Variants in NEXN observed in about 807,000 individuals in gnomAD.
The protein encoded by NEXN is nexilin F-actin binding protein.
In NEXN, 65 loss-of-function variants were observed where a neutral mutation model predicts 92.6. The ratio of observed to expected loss-of-function variants is 0.70; its 90% confidence interval spans 0.57 to 0.86. The LOEUF (loss-of-function observed/expected upper bound fraction) is 0.86. Among genes scored for constraint, NEXN ranks in the 40% least tolerant of loss-of-function variants. NEXN has a pLI of 0.00. For missense variants in NEXN, 778 were observed against 771.1 expected, an observed-to-expected ratio of 1.01 and a Z score of -0.11; for synonymous variants, 254 against 242.5, an observed-to-expected ratio of 1.05 and a Z score of -0.44.
intron 2 of NEXN, 110 bp from the exon 3 acceptor site, chr1:77,917,456 A>ACCCCTC (rs1173667110): frequency 1.2e-6 from 1 of 838,280 alleles, no homozygotes; most frequent in African/African-American, 1.8e-5. Context: ...ACACATTTCT[A>ACCCCTC]TTTTCTGTTT....
At chr1:77,912,421 A>G (rs1571102317) in intron 1 of NEXN, among the ~76,000 whole-genome samples, 2 of 152,306 alleles carry the variant, frequency 1.3e-5, no homozygotes, top group East Asian at 3.9e-4. Context: ...ATCCCAGCAT[A>G]TTATTTTGTG....
chr1:77,925,271 ATC>A (rs771540042), intron 6 of NEXN, 42 bp downstream of exon 6: 1 of 1,353,382 alleles, frequency 7.4e-7, no homozygotes, highest in Non-Finnish European at 1.1e-6. Context: ...ACCTAAAATT[ATC>A]TGATTCACAA....
intron 11 of NEXN, among the ~76,000 whole-genome samples, chr1:77,940,001 G>A (rs527632893): frequency 9.8e-4 from 149 of 152,162 alleles, no homozygotes; most frequent in Non-Finnish European, 1.5e-3. Flanking sequence ...TTGAACCCGG[G>A]AGACAGGGGT....
Position 77,942,665 on chromosome 1 carries a change from C to A in NEXN, c.1864C>A (p.Leu622Met). 6.2e-7 allele frequency: 1 copy of A among 1,613,636 alleles called. No homozygotes were observed. The highest frequency in any genetic ancestry group is 8.5e-7 in the Non-Finnish European group (1 of 1,179,688). Residue 622 changes from leucine (L) to methionine (M), a missense_variant, in exon 13 of 13, where the codon CTG becomes ATG. Leu to Met is a conservative substitution (Grantham distance 15, BLOSUM62 2). Around this residue, in one of 3 missense-constraint regions of NEXN, gnomAD observed 532 missense variants for 476.7 expected, o/e 1.12. Transcript: ENST00000334785. ...TACATGGTGGTTTGAAGGAGAAATA[C>A]TGCAGGATGGAGAAGACTATCAATA... ...EITWWFEGEILQDGEDYQYIE... is the reference protein window; with the variant it reads ...EITWWFEGEIMQDGEDYQYIE...
At chr1:77,894,337 C>T (rs907481411) in intron 1 of NEXN, among the ~76,000 whole-genome samples, 3 of 152,142 alleles carry the variant, frequency 2.0e-5, no homozygotes, top group Non-Finnish European at 4.4e-5. Context: ...GAAATAGGAT[C>T]TAATTTCATA....
At chr1:77,940,217 T>C (rs2102171101) in intron 11 of NEXN, among the ~76,000 whole-genome samples, 1 of 152,310 alleles carries the variant, frequency 6.6e-6, no homozygotes, top group Middle Eastern at 3.4e-3. Context: ...TATATAACAT[T>C]TGAATTTCTA....
chr1:77,938,589 CAAA>C (rs11286873), intron 11 of NEXN, among the ~76,000 whole-genome samples: 36 of 119,162 alleles, frequency 3.0e-4, no homozygotes, highest in Non-Finnish European at 4.0e-4. Context: ...AAGACTGTCT[CAAA>C]AAAAAAAAAA....
intron 2 of NEXN, among the ~76,000 whole-genome samples, chr1:77,917,137 T>G (rs1325956341): frequency 3.9e-5 from 6 of 152,212 alleles, no homozygotes; most frequent in Non-Finnish European, 1.5e-5. Flanking sequence ...AAGCCTAAAC[T>G]TTTGCTTTGT....
intron 1 of NEXN, among the ~76,000 whole-genome samples, chr1:77,901,512 C>A (rs1647708098): frequency 6.6e-6 from 1 of 152,028 alleles, no homozygotes; most frequent in South Asian, 2.1e-4. Context: ...ACATGTTCAA[C>A]CTTATCTTTT....
intron 1 of NEXN, among the ~76,000 whole-genome samples, chr1:77,908,330 C>T (rs1043018023): frequency 3.3e-5 from 5 of 151,912 alleles, no homozygotes; most frequent in Non-Finnish European, 5.9e-5. Context: ...CCACCTCAGC[C>T]TCCCAAAGTG....
chr1:77,942,736 C>T lies in NEXN; in HGVS notation c.1935C>T (p.Phe645=). The change falls in exon 13 of 13, where the codon TTC becomes TTT. Residue 645 remains phenylalanine (F), a synonymous_variant. Transcript: ENST00000334785. Reference sequence around the variant, plus strand: ...ACTGCCTTTACTTACCAGAAACTTTCCCAGAAGATGGAGGAGAGTATATGT... The same window carrying T: ...ACTGCCTTTACTTACCAGAAACTTTTCCAGAAGATGGAGGAGAGTATATGT... The part of the protein sequence containing the change: ...ETYCLYLPET[F]PEDGGEYMCK... 6.2e-7 allele frequency: 1 copy of T among 1,613,688 alleles called. No individual in the cohort carries two copies. The highest frequency in any genetic ancestry group is 8.5e-7 in the Non-Finnish European group (1 of 1,179,712).
chr1:77,921,727 C>A (rs1015083211), intron 5 of NEXN, among the ~76,000 whole-genome samples: 1 of 152,050 alleles, frequency 6.6e-6, no homozygotes, highest in Non-Finnish European at 1.5e-5. Context: ...CTGGGCAATA[C>A]ACTAAAACCC....
intron 1 of NEXN, 194 bp downstream of exon 1, chr1:77,888,953 A>G (rs1308222454): frequency 6.6e-6 from 1 of 152,626 alleles, no homozygotes; most frequent in African/African-American, 2.4e-5. Context: ...GGCCCGGGCG[A>G]ACCCTGCCTT....
intron 1 of NEXN, chr1:77,889,675 G>A (rs1297230366): frequency 1.3e-5 from 2 of 152,150 alleles, no homozygotes; most frequent in Admixed American, 6.5e-5. Context: ...TTGGCAGAGA[G>A]ATAACAAGGT....
chr1:77,903,079 A>G (rs890477860), intron 1 of NEXN, among the ~76,000 whole-genome samples: 2 of 152,206 alleles, frequency 1.3e-5, no homozygotes, highest in African/African-American at 4.8e-5. Flanking sequence ...GTTCTGATCC[A>G]TGATGCACTA....
chr1:77,933,155 C>G, intron 9 of NEXN, 127 bp from the exon 10 acceptor site: 1 of 650,798 alleles, frequency 1.5e-6, no homozygotes, highest in Non-Finnish European at 2.7e-6. Flanking sequence ...GAGTGAAACT[C>G]CATCTCAAAA....
chr1:77,926,996 C>A (rs1649903169), intron 8 of NEXN, 104 bp downstream of exon 8: 1 of 1,393,414 alleles, frequency 7.2e-7, no homozygotes, highest in African/African-American at 1.5e-5. Context: ...TATAGAAGGG[C>A]TGATTTTCTA....
chr1:77,915,992 A>T, intron 1 of NEXN, 63 bp from the exon 2 acceptor site: 1 of 505,386 alleles, frequency 2.0e-6, no homozygotes, highest in Non-Finnish European at 2.9e-6. Context: ...ATTTCTATTT[A>T]TAAAAATACA....
At chr1:77,897,075 G>A (rs1308791318) in intron 1 of NEXN, among the ~76,000 whole-genome samples, 2 of 152,118 alleles carry the variant, frequency 1.3e-5, no homozygotes, top group Non-Finnish European at 1.5e-5. Context: ...GAATTCTACC[G>A]AGGTACAAAG....
Sources: allele counts gnomAD v4.1 joint callset (sites outside exome capture counted in the v4.1 genomes callset), GRCh38; gene constraint gnomAD v4.1.1; regional missense constraint gnomAD v4.1.1; transcripts MANE v1.5; gene names NCBI Gene and HGNC (gene_info 2026-07-23, HGNC 2026-07-21).